The following SMYD3 variants were observed in gnomAD, a reference collection of about 807,000 sequenced individuals.
SMYD3 encodes the protein histone-lysine N-methyltransferase SMYD3.
A neutral mutation model predicts 57.7 loss-of-function variants in SMYD3; 36 were observed. The observed-to-expected ratio is 0.62, with a 90% CI of 0.48 to 0.82. SMYD3 has a LOEUF of 0.82. Ranked by LOEUF, SMYD3 falls within the 40% of genes least tolerant of loss-of-function variation. The pLI is 0.00. For missense variants in SMYD3, 515 were observed against 538.8 expected (o/e 0.96, Z 0.44); for synonymous variants, 211 against 195.0 (o/e 1.08, Z -0.68).
intron 5 of SMYD3, among the ~76,000 whole-genome samples, chr1:246,150,112 C>G (rs2061918978): frequency 6.6e-6 from 1 of 152,196 alleles, no homozygotes; most frequent in Non-Finnish European, 1.5e-5. Flanking sequence ...GGCATAAACA[C>G]AAATTTGCCA....
At chr1:246,341,875 A>C (rs2065638290) in intron 2 of SMYD3, among the ~76,000 whole-genome samples, 1 of 152,190 alleles carries the variant, frequency 6.6e-6, no homozygotes, top group Non-Finnish European at 1.5e-5. Flanking sequence ...GAGTGTAAGA[A>C]GGGTCATCCT....
intron 1 of SMYD3, among the ~76,000 whole-genome samples, chr1:246,475,353 T>G (rs2068016132): frequency 6.8e-6 from 1 of 147,940 alleles, no homozygotes; most frequent in African/African-American, 2.5e-5. Context: ...AAAAAGTTTG[T>G]ACTTTTTGGC....
intron 10 of SMYD3, among the ~76,000 whole-genome samples, chr1:245,809,368 CTG>C (rs2048338912): frequency 6.6e-6 from 1 of 152,176 alleles, no homozygotes; most frequent in East Asian, 1.9e-4. Context: ...GGGGATTTGT[CTG>C]TGTCTCCCTC....
In SMYD3 at chr1:245,778,911, G is replaced by A. The variant is rs541130109; in HGVS notation, c.1077-14762C>T. ...GTGGTGGCTCACACCTGTAATCCCAGCACTTTGGGAGGCCGAGGCGGGTCG... is the reference window on the plus strand; with the variant it reads ...GTGGTGGCTCACACCTGTAATCCCAACACTTTGGGAGGCCGAGGCGGGTCG... On this transcript the variant is annotated intron_variant, in intron 10 of 11. Transcript: ENST00000490107. Among the ~76,000 whole-genome samples the A allele has an allele frequency of 7.9e-5, 12 of 152,284 alleles. No homozygotes were observed. In the East Asian group the frequency reaches 2.1e-3, roughly 27 times the overall value.
intron 7 of SMYD3, among the ~76,000 whole-genome samples, chr1:245,926,178 A>C (rs2056357051): frequency 6.6e-6 from 1 of 152,200 alleles, no homozygotes. Context: ...TACTTCCCAA[A>C]GACTCCACCT....
intron 5 of SMYD3, among the ~76,000 whole-genome samples, chr1:246,287,886 G>A (rs2064603368): frequency 6.6e-6 from 1 of 151,896 alleles, no homozygotes; most frequent in Non-Finnish European, 1.5e-5. Context: ...TTAAAATGAG[G>A]GCTGAAAACG....
intron 11 of SMYD3, among the ~76,000 whole-genome samples, chr1:245,751,475 G>A (rs1344972284): frequency 2.6e-5 from 4 of 151,686 alleles, no homozygotes; most frequent in African/African-American, 9.7e-5. Context: ...TTCCCTTTAG[G>A]CTGGAAGGAA....
At chr1:246,249,695 TA>T (rs1014329775) in intron 5 of SMYD3, among the ~76,000 whole-genome samples, 1 of 152,190 alleles carries the variant, frequency 6.6e-6, no homozygotes, top group African/African-American at 2.4e-5. Context: ...GTTTCACCCT[TA>T]AAAAATGTGT....
chr1:246,473,042 A>C (rs1222668662), intron 1 of SMYD3, among the ~76,000 whole-genome samples: 2 of 151,756 alleles, frequency 1.3e-5, no homozygotes, highest in African/African-American at 4.8e-5. Flanking sequence ...TTTTTAGTAG[A>C]GACTGGGTTT....
chr1:246,143,532 G>C (rs1275115640), intron 5 of SMYD3, among the ~76,000 whole-genome samples: 1 of 152,082 alleles, frequency 6.6e-6, no homozygotes, highest in East Asian at 1.9e-4. Flanking sequence ...GCCGGCTATA[G>C]AGGCATGTGG....
intron 7 of SMYD3, among the ~76,000 whole-genome samples, chr1:245,925,308 T>C (rs1018509001): frequency 1.3e-5 from 2 of 152,320 alleles, no homozygotes; most frequent in African/African-American, 4.8e-5. Flanking sequence ...ATTTAGGTTA[T>C]CCACGACCTC....
intron 8 of SMYD3, among the ~76,000 whole-genome samples, chr1:245,878,181 A>G (rs1437703527): frequency 6.6e-6 from 1 of 152,182 alleles, no homozygotes; most frequent in Non-Finnish European, 1.5e-5. Context: ...GAGAAAACAA[A>G]CAGGGTCATT....
intron 5 of SMYD3, among the ~76,000 whole-genome samples, chr1:246,261,664 C>T (rs1460637859): frequency 6.6e-6 from 1 of 150,912 alleles, no homozygotes; most frequent in Admixed American, 6.6e-5. Flanking sequence ...AAAAACACTG[C>T]TTTGTTTCTA....
At chr1:245,891,602 G>A (rs186568299) in intron 8 of SMYD3, among the ~76,000 whole-genome samples, 13 of 152,312 alleles carry the variant, frequency 8.5e-5, no homozygotes, top group Admixed American at 7.8e-4. Flanking sequence ...CAGCAATGTC[G>A]GGAACTGTAG....
At chr1:246,095,787 C>T (rs775374652) in intron 5 of SMYD3, among the ~76,000 whole-genome samples, 7 of 152,194 alleles carry the variant, frequency 4.6e-5, no homozygotes, top group Non-Finnish European at 8.8e-5. Flanking sequence ...AAGGCAGGAG[C>T]ATCGCCTGAG....
intron 1 of SMYD3, among the ~76,000 whole-genome samples, chr1:246,499,299 AT>A (rs1213326716): frequency 6.6e-6 from 1 of 151,712 alleles, no homozygotes; most frequent in Non-Finnish European, 1.5e-5. Context: ...GCGAGACTCT[AT>A]CTCAAAAAAA....
chr1:245,869,713 A>C (rs2052073116), intron 8 of SMYD3, among the ~76,000 whole-genome samples: 1 of 151,512 alleles, frequency 6.6e-6, no homozygotes, highest in Admixed American at 6.6e-5. Context: ...TCACAGCTCC[A>C]CCCCAAAATC....
chr1:246,190,403 G>A (rs1461283255), intron 5 of SMYD3, among the ~76,000 whole-genome samples: 1 of 151,930 alleles, frequency 6.6e-6, no homozygotes, highest in African/African-American at 2.4e-5. Context: ...TGGCCAATAT[G>A]GTGAAACCCC....
At chr1:245,794,346 A>G (rs2047432596) in intron 10 of SMYD3, among the ~76,000 whole-genome samples, 1 of 152,244 alleles carries the variant, frequency 6.6e-6, no homozygotes, top group Non-Finnish European at 1.5e-5. Flanking sequence ...CAGTTTAACT[A>G]TAGACAGAAT....
Sources: gnomAD v4.1 joint callset for allele counts (sites outside exome capture counted in the v4.1 genomes callset) on GRCh38, gnomAD v4.1.1 for gene constraint, MANE v1.5 for transcripts, NCBI Gene and HGNC (gene_info 2026-07-23, HGNC 2026-07-21) for gene names.